ZMAT4: variants seen among roughly 807,000 people sequenced by gnomAD.
ZMAT4 encodes zinc finger matrin-type protein 4.
In ZMAT4, 17 loss-of-function variants were observed where a neutral mutation model predicts 28.7. The observed-to-expected ratio is 0.59, with a 90% CI of 0.41 to 0.89. The LOEUF is 0.89. ZMAT4 is among the 40% of genes least tolerant of loss of function. The probability of loss-of-function intolerance (pLI) is 0.00; values close to 1 mark genes in which losing one functional copy is unlikely to be tolerated. For missense variants in ZMAT4, 240 were observed against 283.8 expected (o/e 0.85, Z 1.11); for synonymous variants, 117 against 109.2 (o/e 1.07, Z -0.44).
At chr8:40,779,325 T>C (rs957745193) in intron 2 of ZMAT4, among the ~76,000 whole-genome samples, 2 of 152,038 alleles carry the variant, frequency 1.3e-5, no homozygotes, top group African/African-American at 4.8e-5. Flanking sequence ...CTCAGGAATG[T>C]CTTTATCAGC....
intron 3 of ZMAT4, among the ~76,000 whole-genome samples, chr8:40,756,455 T>TATATATATAC (rs1171649512): frequency 2.4e-5 from 3 of 122,654 alleles, no homozygotes; most frequent in Non-Finnish European, 5.3e-5. Context: ...TATATATATA[T>TATATATATAC]ATACACACTT....
At chr8:40,543,519 G>A (rs908699659) in intron 6 of ZMAT4, among the ~76,000 whole-genome samples, 19 of 152,264 alleles carry the variant, frequency 1.2e-4, no homozygotes, top group African/African-American at 2.9e-4. Flanking sequence ...GCAGGACATC[G>A]AGGATATGGA....
intron 5 of ZMAT4, among the ~76,000 whole-genome samples, chr8:40,615,031 T>C (rs1453600535): frequency 2.0e-5 from 3 of 152,254 alleles, no homozygotes; most frequent in Non-Finnish European, 1.5e-5. Flanking sequence ...TGATGGTCTT[T>C]ACATTTTGGC....
At chr8:40,688,439 G>T (rs1809515578) in intron 4 of ZMAT4, among the ~76,000 whole-genome samples, 1 of 152,052 alleles carries the variant, frequency 6.6e-6, no homozygotes, top group Non-Finnish European at 1.5e-5. Flanking sequence ...CTGGGTGACA[G>T]GGCAAGACTC....
chr8:40,663,481 A>G (rs982110893), intron 5 of ZMAT4, among the ~76,000 whole-genome samples: 1 of 152,202 alleles, frequency 6.6e-6, no homozygotes, highest in African/African-American at 2.4e-5. Context: ...CTCTCACATA[A>G]CAGGAACTTA....
intron 3 of ZMAT4, among the ~76,000 whole-genome samples, chr8:40,735,736 G>C (rs1249943431): frequency 6.6e-6 from 1 of 152,162 alleles, no homozygotes; most frequent in Non-Finnish European, 1.5e-5. Flanking sequence ...GTAAAGCAGT[G>C]AGTTCAGTGT....
intron 2 of ZMAT4, among the ~76,000 whole-genome samples, chr8:40,813,568 G>A (rs1333023911): frequency 2.0e-5 from 3 of 152,278 alleles, no homozygotes; most frequent in African/African-American, 7.2e-5. Flanking sequence ...AAAGGAAGAT[G>A]TGGCTTTGGG....
At chr8:40,824,703 GAAAA>G (rs1453429063) in intron 2 of ZMAT4, among the ~76,000 whole-genome samples, 2 of 115,586 alleles carry the variant, frequency 1.7e-5, no homozygotes, top group African/African-American at 6.7e-5. Context: ...AAGAAAGAAA[GAAAA>G]GAAAGAATGA....
At chr8:40,811,900 C>T (rs1256475857) in intron 2 of ZMAT4, among the ~76,000 whole-genome samples, 1 of 151,964 alleles carries the variant, frequency 6.6e-6, no homozygotes, top group East Asian at 1.9e-4. Flanking sequence ...GGAGGCTGAG[C>T]TGGGCAGATC....
intron 6 of ZMAT4, among the ~76,000 whole-genome samples, chr8:40,544,991 A>T (rs1316627528): frequency 6.6e-6 from 1 of 152,130 alleles, no homozygotes; most frequent in Non-Finnish European, 1.5e-5. Context: ...GTTATAAAAT[A>T]CTGTGTTTTC....
chr8:40,817,662 C>T (rs1448349120), intron 2 of ZMAT4, among the ~76,000 whole-genome samples: 1 of 152,130 alleles, frequency 6.6e-6, no homozygotes, highest in Non-Finnish European at 1.5e-5. Flanking sequence ...CTCTTTTGCT[C>T]ATAGGTCACT....
chr8:40,657,287 T>A (rs1807970290), intron 5 of ZMAT4, among the ~76,000 whole-genome samples: 1 of 152,204 alleles, frequency 6.6e-6, no homozygotes, highest in African/African-American at 2.4e-5. Context: ...CCATCCTTTT[T>A]GAAGATCTGA....
chr8:40,803,469 G>A (rs1275835878), intron 2 of ZMAT4, among the ~76,000 whole-genome samples: 1 of 152,114 alleles, frequency 6.6e-6, no homozygotes, highest in Non-Finnish European at 1.5e-5. Flanking sequence ...GTACACAGGT[G>A]GCAAATAAGC....
chr8:40,828,029 C>T (rs1816137362), intron 1 of ZMAT4, among the ~76,000 whole-genome samples: 1 of 152,200 alleles, frequency 6.6e-6, no homozygotes, highest in African/African-American at 2.4e-5. Flanking sequence ...TGCCCTGAGT[C>T]TATTTCATTA....
intron 4 of ZMAT4, among the ~76,000 whole-genome samples, chr8:40,687,947 G>C (rs563713521): frequency 1.3e-5 from 2 of 152,276 alleles, no homozygotes; most frequent in African/African-American, 4.8e-5. Context: ...AGTGGCAAGA[G>C]AGCAGCAATC....
intron 1 of ZMAT4, among the ~76,000 whole-genome samples, chr8:40,890,596 T>G (rs2150670888): frequency 6.6e-6 from 1 of 151,984 alleles, no homozygotes; most frequent in Middle Eastern, 3.4e-3. Flanking sequence ...CTCTCAAACC[T>G]CACCTCCACT....
Position 40,601,250 on chromosome 8 carries a change from T to G in ZMAT4, c.578-19989A>C, listed in dbSNP as rs80180555. On this transcript the variant is annotated intron_variant, in intron 5 of 6. Coordinates refer to ENST00000297737, the MANE Select transcript of ZMAT4 (RefSeq NM_024645.3). ...TTTGTAATTTTGACCTAGGCAGCAT[T>G]TTTTTTTCCACTTTAACAGAAACTG... 2.6e-4 allele frequency among the ~76,000 whole-genome samples: 40 copies of G among 150,984 alleles called. No individual in the cohort carries two copies. The East Asian group carries it at 5.5e-3, about 21-fold the overall frequency.
At chr8:40,734,150 C>T (rs986932127) in intron 3 of ZMAT4, among the ~76,000 whole-genome samples, 1 of 152,150 alleles carries the variant, frequency 6.6e-6, no homozygotes, top group Non-Finnish European at 1.5e-5. Flanking sequence ...CTGGACATGG[C>T]AGTTATTTCT....
At chr8:40,630,551 G>A (rs1252185497) in intron 5 of ZMAT4, among the ~76,000 whole-genome samples, 2 of 152,178 alleles carry the variant, frequency 1.3e-5, no homozygotes, top group Non-Finnish European at 2.9e-5. Flanking sequence ...TTCAATCCTA[G>A]GAAGTGGGAA....
Sources: allele counts gnomAD v4.1 joint callset (sites outside exome capture counted in the v4.1 genomes callset), GRCh38; gene constraint gnomAD v4.1.1; transcripts MANE v1.5; gene names NCBI Gene and HGNC (gene_info 2026-07-23, HGNC 2026-07-21).